The following SERPINA9 variants were observed in gnomAD, a reference collection of about 807,000 sequenced individuals.
SERPINA9 encodes the protein serpin A9.
SERPINA9 carries 32 observed loss-of-function variants against 24.5 expected under a neutral mutation model. The observed-to-expected ratio is 1.30, with a 90% CI of 0.98 to 1.75. The LOEUF is 1.75. SERPINA9 is among the 40% of genes most tolerant of loss of function. The probability of loss-of-function intolerance (pLI) is 0.00; values close to 1 mark genes in which losing one functional copy is unlikely to be tolerated. For synonymous variants in SERPINA9, 233 were observed against 197.7 expected, an observed-to-expected ratio of 1.18 and a Z score of -1.50; for missense variants, 594 against 497.1, an observed-to-expected ratio of 1.19 and a Z score of -1.85.
intron 1 of SERPINA9, among the ~76,000 whole-genome samples, chr14:94,475,435 C>T (rs1196324188): frequency 2.9e-5 from 2 of 69,296 alleles, no homozygotes; most frequent in African/African-American, 1.1e-4. Flanking sequence ...CACACACACA[C>T]ATACACACAC....
chr14:94,466,813 G>C (rs1233829722), intron 3 of SERPINA9, among the ~76,000 whole-genome samples: 4 of 152,104 alleles, frequency 2.6e-5, no homozygotes, highest in Non-Finnish European at 5.9e-5. Context: ...TATCAGATAG[G>C]CTTCTAGAGC....
intron 1 of SERPINA9, among the ~76,000 whole-genome samples, chr14:94,475,433 C>T (rs988547224): frequency 1.3e-4 from 9 of 70,974 alleles, no homozygotes; most frequent in African/African-American, 4.4e-4. Flanking sequence ...CACACACACA[C>T]ACATACACAC....
chr14:94,467,723 A>C (rs1899077797), intron 2 of SERPINA9, among the ~76,000 whole-genome samples: 1 of 152,244 alleles, frequency 6.6e-6, no homozygotes, highest in Admixed American at 6.5e-5. Flanking sequence ...AAATGGGTGG[A>C]TAGCCTGGCA....
chr14:94,466,463 G>A (rs1899010169), intron 3 of SERPINA9, among the ~76,000 whole-genome samples: 1 of 152,144 alleles, frequency 6.6e-6, no homozygotes, highest in Non-Finnish European at 1.5e-5. Flanking sequence ...TGAGCACCAG[G>A]GAACGCTGCT....
chr14:94,469,177 A>C (rs747158639), intron 2 of SERPINA9, 36 bp downstream of exon 2: 108 of 1,554,684 alleles, frequency 6.9e-5, no homozygotes, highest in Non-Finnish European at 8.8e-5. Flanking sequence ...ATCATCATAA[A>C]ATAAATAAAT....
rs762676101 is a variant in SERPINA9 at position 94,476,098 on chromosome 14, C to A, written c.-18+38G>T. ...AGTCCTTCCCTCTGGCTCAGTGACA[C>A]CACATTCCCGATCTCTCTGCACCTC... is the stretch of plus-strand genomic sequence containing the variant. On this transcript the variant is annotated intron_variant, in intron 1 of 4. Transcript: ENST00000674397. The A allele has an allele frequency of 3.7e-6, 6 of 1,613,964 alleles. No homozygotes were observed. The South Asian group carries it at 4.4e-5, about 12-fold the overall frequency.
chr14:94,465,611 T>A (rs996333092), intron 3 of SERPINA9, among the ~76,000 whole-genome samples: 2 of 152,124 alleles, frequency 1.3e-5, no homozygotes, highest in African/African-American at 2.4e-5. Flanking sequence ...CACTGCAACC[T>A]CCACCCCGTG....
chr14:94,467,083 C>T (rs1899035854), intron 3 of SERPINA9, 26 bp downstream of exon 3: 2 of 1,605,752 alleles, frequency 1.2e-6, no homozygotes, highest in Middle Eastern at 1.9e-4. Context: ...TGCCTCAGGG[C>T]CCAGGAGATT....
chr14:94,471,114 A>C, intron 1 of SERPINA9, among the ~76,000 whole-genome samples: 1 of 122,724 alleles, frequency 8.1e-6, no homozygotes, highest in African/African-American at 3.1e-5. Flanking sequence ...TCCCCCCATC[A>C]TCCTTTTCAC....
At position 94,464,789 on chromosome 14, in the gene SERPINA9, G is replaced by T. The variant is rs76159860; in HGVS notation, c.968C>A (p.Pro323Gln). The change falls in exon 4 of 5, where the codon CCG (proline) becomes CAG (glutamine). Residue 323 changes from proline to glutamine, a missense_variant. Coordinates refer to ENST00000674397, the MANE Select transcript of SERPINA9 (RefSeq NM_175739.4). ...AAAGACATTTTGGATGCCCATCTTC[G>T]GGAGGATGGTTTCCAGATTGTAGGA... ...SASYNLETIL[P>Q]KMGIQNVFDK... is the part of the protein sequence containing the mutation. The T allele has an allele frequency of 1.2e-5, 19 of 1,612,232 alleles. No homozygotes were observed. Among genetic ancestry groups the T allele is most frequent in the Non-Finnish European group, 1.6e-5 (19 of 1,178,398 alleles).
At chr14:94,466,757 A>G (rs752139964) in intron 3 of SERPINA9, among the ~76,000 whole-genome samples, 3 of 152,118 alleles carry the variant, frequency 2.0e-5, no homozygotes, top group Non-Finnish European at 4.4e-5. Context: ...GTGACCACCA[A>G]TGCTTTTGTT....
intron 1 of SERPINA9, chr14:94,475,850 G>C (rs1899607452): frequency 2.0e-6 from 1 of 497,758 alleles, no homozygotes; most frequent in African/African-American, 1.9e-5. Context: ...TCTAGCAGCT[G>C]CCCTATTTCA....
chr14:94,475,805 A>C (rs1050976938), intron 1 of SERPINA9: 1 of 424,630 alleles, frequency 2.4e-6, no homozygotes, highest in African/African-American at 2.0e-5. Context: ...CAACGACACA[A>C]CAACAAAAAC....
At chr14:94,464,107 G>A (rs948992163) in intron 4 of SERPINA9, among the ~76,000 whole-genome samples, 1 of 152,170 alleles carries the variant, frequency 6.6e-6, no homozygotes, top group African/African-American at 2.4e-5. Flanking sequence ...ATTACCTGGA[G>A]GATACTGTCT....
Position 94,467,309 on chromosome 14 carries a change from A to G in SERPINA9, c.702T>C (p.Thr234=), listed in dbSNP as rs1295436351. Reference sequence around the variant, plus strand: ...TCTGGTGCATCATGGGGACATGCACAGTGACCTGCTCGCCCACCAGGAATG... The same window carrying G: ...TCTGGTGCATCATGGGGACATGCACGGTGACCTGCTCGCCCACCAGGAATG... ...NFPFLVGEQV[T]VHVPMMHQKE... is the part of the protein sequence containing the mutation. The change falls in exon 3 of 5, where the codon ACT becomes ACC. Residue 234 remains threonine (T), a synonymous_variant. Transcript: ENST00000674397. 1.9e-6 allele frequency: 3 copies of G among 1,614,102 alleles called. 1 individual carries two copies. Among genetic ancestry groups the G allele is most frequent in the South Asian group, 2.2e-5 (2 of 91,070 alleles).
In SERPINA9 at chr14:94,476,060, C is replaced by T. The variant is rs1566797947; in HGVS notation, c.-18+76G>A. ...CCCAGCTGCATTTGACACTGAAGAC[C>T]ATGCTCTGATCCAGTCCTTCCCTCT... On this transcript the variant is annotated intron_variant, in intron 1 of 4. Transcript: ENST00000674397. 1.9e-6 allele frequency: 3 copies of T among 1,606,892 alleles called. No homozygotes were observed. In the Admixed American group the frequency reaches 5.0e-5, roughly 27 times the overall value.
rs754788111 is a variant in SERPINA9 at position 94,467,238 on chromosome 14, A to T, written c.773T>A (p.Val258Glu). Residue 258 changes from valine to glutamate, a missense_variant, in exon 3 of 5, where the codon GTG becomes GAG. Transcript: ENST00000674397. ...FGVDTELNCF[V>E]LQMDYKGDAV... ...ATCTCCCTTGTAATCCATCTGCAGCACAAAGCAGTTCAGCTCTGTATCCAC... is the reference window on the plus strand; with the variant it reads ...ATCTCCCTTGTAATCCATCTGCAGCTCAAAGCAGTTCAGCTCTGTATCCAC... 1 of 1,614,242 alleles carries T rather than the reference A, an allele frequency of 6.2e-7. No individual in the cohort carries two copies. The highest frequency in any genetic ancestry group is 1.1e-5 in the South Asian group (1 of 91,088).
chr14:94,473,460 A>G (rs896390925), intron 1 of SERPINA9, among the ~76,000 whole-genome samples: 4 of 145,390 alleles, frequency 2.8e-5, no homozygotes, highest in African/African-American at 1.0e-4. Flanking sequence ...CGGAAGTTGC[A>G]GTGAGTCGAG....
chr14:94,464,319 C>CTCTCTCTCTCT (rs1898889987), intron 4 of SERPINA9: 3 of 213,108 alleles, frequency 1.4e-5, no homozygotes, highest in Admixed American at 6.2e-5. Context: ...CTCTCTCTCT[C>CTCTCTCTCTCT]CTTACACACT....
Sources: gnomAD v4.1 joint callset for allele counts (sites outside exome capture counted in the v4.1 genomes callset) on GRCh38, gnomAD v4.1.1 for gene constraint, MANE v1.5 for transcripts, NCBI Gene and HGNC (gene_info 2026-07-23, HGNC 2026-07-21) for gene names.